CEMIP: variants seen among roughly 807,000 people sequenced by gnomAD.
CEMIP encodes the protein cell migration-inducing and hyaluronan-binding protein.
A neutral mutation model predicts 156.9 loss-of-function variants in CEMIP; 105 were observed. The ratio of observed to expected loss-of-function variants is 0.67; its 90% CI spans 0.57 to 0.79. CEMIP has a LOEUF of 0.79. Among genes scored for constraint, CEMIP ranks in the 30% least tolerant of loss-of-function variants. CEMIP has a pLI of 0.00. For missense variants in CEMIP, 1,457 were observed against 1,769.4 expected (o/e 0.82, Z 3.17); for synonymous variants, 676 against 668.4 (o/e 1.01, Z -0.17).
At chr15:80,831,300 AGCATGGGTG>A (rs758391065) in intron 1 of CEMIP, among the ~76,000 whole-genome samples, 16 of 152,282 alleles carry the variant, frequency 1.1e-4, no homozygotes, top group Middle Eastern at 3.4e-3. Context: ...GCTCAGAGAA[AGCATGGGTG>A]GCTGGGGGAT....
intron 1 of CEMIP, among the ~76,000 whole-genome samples, chr15:80,787,049 G>A (rs1018262020): frequency 3.9e-5 from 6 of 152,166 alleles, no homozygotes; most frequent in East Asian, 1.9e-4. Context: ...CTGCAGAGGC[G>A]CAGGGTTGCG....
intron 1 of CEMIP, among the ~76,000 whole-genome samples, chr15:80,861,583 A>G (rs78873730): frequency 0.014 from 2,205 of 152,326 alleles, 50 homozygotes; most frequent in African/African-American, 0.049. Context: ...AAGGGCCACT[A>G]AATAACCTAG....
At chr15:80,941,684 T>C (rs1901341439) in intron 25 of CEMIP, among the ~76,000 whole-genome samples, 165 bp from the exon 26 acceptor site, 1 of 152,188 alleles carries the variant, frequency 6.6e-6, no homozygotes, top group Non-Finnish European at 1.5e-5. Flanking sequence ...ATTTGTTCCT[T>C]ATTTCTCCAA....
In CEMIP at chr15:80,937,895, G is replaced by A. The variant is rs1345842763; in HGVS notation, c.3323G>A (p.Gly1108Asp). The A allele has an allele frequency of 1.9e-6, 3 of 1,614,074 alleles. No homozygotes were observed. Among genetic ancestry groups the A allele is most frequent in the Admixed American group, 3.3e-5 (2 of 60,006 alleles). ...NRLLKQTSKTGVFVRTLQMDK... is the reference protein window; with the variant it reads ...NRLLKQTSKTDVFVRTLQMDK... Reference sequence around the variant, plus strand: ...CTGCTGAAGCAAACGTCCAAGACGGGCGTCTTCGTGAGGACCTTGCAGATG... The same window carrying A: ...CTGCTGAAGCAAACGTCCAAGACGGACGTCTTCGTGAGGACCTTGCAGATG... Residue 1108 changes from glycine (G) to aspartate (D), a missense_variant, in exon 25 of 30, where the codon GGC becomes GAC. This residue lies in a region of CEMIP where 798 missense variants were observed against 980.1 expected (regional missense o/e 0.81). Transcript: ENST00000394685.
rs945246614 is a variant in CEMIP at position 80,943,219 on chromosome 15, T to A, written c.3857+117T>A. The A allele has an allele frequency of 3.9e-5, 43 of 1,108,452 alleles. No homozygotes were observed. The African/African-American group carries it at 6.4e-4, about 17-fold the overall frequency. The allele number at this position is 1,108,452 out of a possible 1,614,324, so 68.7% of individuals were successfully genotyped here. A position where few individuals can be genotyped will look rare whatever the true frequency, so the allele number is the denominator to read the frequency against. Reference sequence around the variant, plus strand: ...GATCAGTCTGGAAAAGCTCAGGCAGTCTCCACAGCCTGCCCACAAATCATG... The same window carrying A: ...GATCAGTCTGGAAAAGCTCAGGCAGACTCCACAGCCTGCCCACAAATCATG... On this transcript the variant is annotated intron_variant, in intron 28 of 29. Coordinates refer to ENST00000394685, the MANE Select transcript of CEMIP (RefSeq NM_001293298.2).
chr15:80,888,632 G>T (rs936246771), intron 8 of CEMIP, 69 bp from the exon 9 acceptor site: 66 of 1,332,818 alleles, frequency 5.0e-5, no homozygotes, highest in Non-Finnish European at 6.7e-5. Flanking sequence ...GGGTTTCCTT[G>T]CCTTGGAGTC....
intron 3 of CEMIP, among the ~76,000 whole-genome samples, chr15:80,874,853 T>C (rs991729763): frequency 2.0e-5 from 3 of 152,178 alleles, no homozygotes; most frequent in Non-Finnish European, 2.9e-5. Context: ...GCTATTTTTA[T>C]GTCCATTGAG....
intron 19 of CEMIP, among the ~76,000 whole-genome samples, chr15:80,926,141 T>A (rs371690964): frequency 6.6e-6 from 1 of 152,338 alleles, no homozygotes; most frequent in East Asian, 1.9e-4. Flanking sequence ...TTCTCAAACA[T>A]ATAAATTATG....
chr15:80,939,598 C>A (rs2141966971), intron 25 of CEMIP, among the ~76,000 whole-genome samples: 1 of 152,302 alleles, frequency 6.6e-6, no homozygotes, highest in Non-Finnish European at 1.5e-5. Flanking sequence ...CCTCTTTGAT[C>A]AAAGTCTTAA....
chr15:80,920,487 C>T (rs1206324178), intron 15 of CEMIP, among the ~76,000 whole-genome samples, 188 bp downstream of exon 15: 2 of 152,216 alleles, frequency 1.3e-5, no homozygotes, highest in African/African-American at 2.4e-5. Flanking sequence ...GTGTCTTCTC[C>T]CTTCTCCCTT....
chr15:80,840,046 C>G (rs1328288044), intron 1 of CEMIP, among the ~76,000 whole-genome samples: 3 of 152,164 alleles, frequency 2.0e-5, no homozygotes, highest in Non-Finnish European at 4.4e-5. Context: ...CTCTAAGGGG[C>G]CCCCCAGGCC....
At chr15:80,891,422 T>C (rs1428798140) in intron 10 of CEMIP, among the ~76,000 whole-genome samples, 1 of 152,216 alleles carries the variant, frequency 6.6e-6, no homozygotes, top group Non-Finnish European at 1.5e-5. Flanking sequence ...TAACTGTTAG[T>C]CTGTTGCCAT....
chr15:80,925,523 G>C (rs1900624190), intron 18 of CEMIP, 101 bp from the exon 19 acceptor site: 3 of 1,515,102 alleles, frequency 2.0e-6, no homozygotes, highest in African/African-American at 2.7e-5. Context: ...ATGCCTTCCT[G>C]GGCACTGTGA....
intron 14 of CEMIP, among the ~76,000 whole-genome samples, chr15:80,919,342 C>G (rs1046633825): frequency 6.6e-6 from 1 of 152,222 alleles, no homozygotes; most frequent in African/African-American, 2.4e-5. Context: ...TGGAGTCCCT[C>G]CACGGTAAGT....
chr15:80,819,213 C>T (rs1440164302), intron 1 of CEMIP, among the ~76,000 whole-genome samples: 1 of 152,244 alleles, frequency 6.6e-6, no homozygotes. Context: ...AATTCTTCAA[C>T]TGGCCTCACT....
At chr15:80,921,173 A>C in intron 16 of CEMIP, 72 bp downstream of exon 16, 1 of 1,336,150 alleles carries the variant, frequency 7.5e-7, no homozygotes, top group Non-Finnish European at 1.1e-6. Flanking sequence ...GCCGAGGCTT[A>C]CCTTGAAACA....
At chr15:80,871,495 C>T (rs951639950) in intron 1 of CEMIP, among the ~76,000 whole-genome samples, 1 of 152,180 alleles carries the variant, frequency 6.6e-6, no homozygotes, top group African/African-American at 2.4e-5. Flanking sequence ...ACTAACCTCC[C>T]CACTCGGTAC....
At position 80,798,185 on chromosome 15, in the gene CEMIP, G is replaced by T. The variant is rs144197193; in HGVS notation, c.-176+18571G>T. On this transcript the variant is annotated intron_variant, in intron 1 of 29. Transcript: ENST00000394685. ...ACCCATAATCCTACTACTGAAGATA[G>T]ACACTATAGGAATTTTGATGAATAT... Among the ~76,000 whole-genome samples, 83 of 152,228 alleles carry T rather than the reference G, an allele frequency of 5.5e-4. No homozygotes were observed. In the East Asian group the frequency reaches 0.016, roughly 29 times the overall value.
chr15:80,840,484 T>A (rs2141704935), intron 1 of CEMIP, among the ~76,000 whole-genome samples: 1 of 152,182 alleles, frequency 6.6e-6, no homozygotes, highest in East Asian at 1.9e-4. Flanking sequence ...TTTTAAATGT[T>A]TGTTTGGGTT....
Sources: allele counts gnomAD v4.1 joint callset (sites outside exome capture counted in the v4.1 genomes callset), GRCh38; gene constraint gnomAD v4.1.1; regional missense constraint gnomAD v4.1.1; transcripts MANE v1.5; gene names NCBI Gene and HGNC (gene_info 2026-07-23, HGNC 2026-07-21).